Variants in PIH1D2 observed in about 807,000 individuals in gnomAD.
The protein encoded by PIH1D2 is PIH1 domain containing 2.
Under a neutral mutation model 31.2 loss-of-function variants are expected in PIH1D2, and 25 were observed. The ratio of observed to expected loss-of-function variants is 0.80; its 90% CI spans 0.58 to 1.12. The LOEUF (loss-of-function observed/expected upper bound fraction) is 1.12. PIH1D2 is among the 50% of genes most tolerant of loss of function. The pLI, the probability that PIH1D2 is intolerant of heterozygous loss-of-function variation, is 0.00. For synonymous variants in PIH1D2, 116 were observed against 119.9 expected (o/e 0.97, Z 0.21); for missense variants, 310 against 356.6 (o/e 0.87, Z 1.05).
chr11:112,064,106 C>A, downstream of PIH1D2: 1 of 1,331,154 alleles, frequency 7.5e-7, no homozygotes, highest in East Asian at 2.6e-5. Context: ...GAAGATTATC[C>A]AAAAGAAACA....
downstream of PIH1D2, among the ~76,000 whole-genome samples, chr11:112,065,041 C>T (rs375195604): frequency 1.8e-4 from 28 of 151,948 alleles, no homozygotes; most frequent in African/African-American, 6.0e-4. Context: ...AGGGTTTCAC[C>T]GTGTTAGCCA....
At chr11:112,070,273 G>A (rs1340363966) in intron 5 of PIH1D2, 163 bp downstream of exon 5, 7 of 761,054 alleles carry the variant, frequency 9.2e-6, no homozygotes, top group African/African-American at 5.3e-5. Flanking sequence ...TTTTCCCTTT[G>A]CTGAGATGTG....
intron 5 of PIH1D2, among the ~76,000 whole-genome samples, chr11:112,068,982 GTTTTTTTTTTTTTTTGT>G (rs1729407261): frequency 1.1e-5 from 1 of 88,428 alleles, no homozygotes; most frequent in African/African-American, 6.1e-5. Flanking sequence ...AATTTTTTTT[GTTTTTTTTTTTTTTTGT>G]TTTTTTTTTT....
In PIH1D2 at chr11:112,068,019, A is replaced by T; in HGVS notation, c.814-14T>A. On this transcript the variant is annotated splice_polypyrimidine_tract_variant and intron_variant, in intron 5 of 5. Coordinates refer to ENST00000280350, the MANE Select transcript of PIH1D2 (RefSeq NM_138789.4). Reference sequence around the variant, plus strand: ...CAATAAATCATCCTAAGAATAATAAACCAAGAGATTTATTTCCTGCTTAAA... The same window carrying T: ...CAATAAATCATCCTAAGAATAATAATCCAAGAGATTTATTTCCTGCTTAAA... The T allele has an allele frequency of 6.6e-7, 1 of 1,509,800 alleles. No homozygotes were observed. The highest frequency in any genetic ancestry group is 9.1e-7 in the Non-Finnish European group (1 of 1,099,764). The allele number at this position is 1,509,800 out of a possible 1,614,324, so 93.5% of individuals were successfully genotyped here. A position where few individuals can be genotyped will look rare whatever the true frequency, so the allele number is the denominator to read the frequency against.
chr11:112,072,886 AAAC>A (rs781838049), intron 2 of PIH1D2, 109 bp downstream of exon 2: 55 of 1,091,378 alleles, frequency 5.0e-5, no homozygotes, highest in African/African-American at 2.6e-4. Context: ...AAACAAAACA[AAAC>A]AAAAAAAAAA....
chr11:112,072,786 C>A (rs1865171505), intron 2 of PIH1D2: 1 of 435,568 alleles, frequency 2.3e-6, no homozygotes, highest in Non-Finnish European at 4.0e-6. Flanking sequence ...ATCGCTTAAA[C>A]CCGGGAGGCA....
At chr11:112,068,729 A>G (rs1167156792) in intron 5 of PIH1D2, among the ~76,000 whole-genome samples, 1 of 152,132 alleles carries the variant, frequency 6.6e-6, no homozygotes, top group Non-Finnish European at 1.5e-5. Flanking sequence ...GGTTGCAGTA[A>G]GCTGAGATGG....
chr11:112,062,474 G>C, downstream of PIH1D2: 1 of 1,612,756 alleles, frequency 6.2e-7, no homozygotes, highest in Non-Finnish European at 8.5e-7. Flanking sequence ...GGAGCAGTTG[G>C]AGCCCAGTGG....
intron 2 of PIH1D2, among the ~76,000 whole-genome samples, chr11:112,072,510 C>T (rs1198217013): frequency 2.4e-5 from 3 of 125,080 alleles, no homozygotes; most frequent in African/African-American, 9.1e-5. Flanking sequence ...TGTGCCACTG[C>T]ACTCCAGCTT....
At chr11:112,072,953 C>A in intron 2 of PIH1D2, 45 bp downstream of exon 2, 1 of 1,506,982 alleles carries the variant, frequency 6.6e-7, no homozygotes, top group South Asian at 1.3e-5. Flanking sequence ...ATTCTGGGAT[C>A]ATTTCATTCA....
At chr11:112,073,287 A>C in intron 1 of PIH1D2, 82 bp from the exon 2 acceptor site, 1 of 1,013,522 alleles carries the variant, frequency 9.9e-7, no homozygotes. Context: ...GGAATGGGTC[A>C]GGAATTGTTT....
At chr11:112,065,866 A>G (rs1236118939), downstream of PIH1D2, among the ~76,000 whole-genome samples, 1 of 152,132 alleles carries the variant, frequency 6.6e-6, no homozygotes, top group East Asian at 1.9e-4. Context: ...CTGTAATCCC[A>G]GCTACTGGGG....
At position 112,070,456 on chromosome 11, in the gene PIH1D2, A is replaced by G. The variant is rs1555184379; in HGVS notation, c.793T>C (p.Cys265Arg). 6.2e-7 allele frequency: 1 copy of G among 1,613,996 alleles called. No individual in the cohort carries two copies. Among genetic ancestry groups the G allele is most frequent in the Admixed American group, 1.7e-5 (1 of 60,020 alleles). The change falls in exon 5 of 6, where the codon TGT (cysteine) becomes CGT (arginine). Residue 265 changes from cysteine to arginine, a missense_variant. By Grantham distance (180) the Cys-to-Arg change is radical. Coordinates refer to ENST00000280350, the MANE Select transcript of PIH1D2 (RefSeq NM_138789.4). ...CTTACCTCAGAAACACTAAGGTCACAGAGAGAGACAGAATTAATACCAGGT... is the reference window on the plus strand; with the variant it reads ...CTTACCTCAGAAACACTAAGGTCACGGAGAGAGACAGAATTAATACCAGGT... ...ELPGINSVSL[C>R]DLSVSEDDLL...
downstream of PIH1D2, chr11:112,062,710 C>A: frequency 1.4e-6 from 1 of 702,106 alleles, no homozygotes; most frequent in Non-Finnish European, 2.3e-6. Context: ...GCCGATTACA[C>A]CCAAATATTG....
chr11:112,068,985 T>TG (rs1865022850), intron 5 of PIH1D2, among the ~76,000 whole-genome samples: 2 of 139,274 alleles, frequency 1.4e-5, no homozygotes, highest in African/African-American at 6.2e-5. Flanking sequence ...TTTTTTTGTT[T>TG]TTTTTTTTTT....
At chr11:112,060,095 T>C (rs782266223), downstream of PIH1D2, 3 of 1,602,626 alleles carry the variant, frequency 1.9e-6, no homozygotes, top group African/African-American at 2.7e-5. Flanking sequence ...TTTCTAATTA[T>C]GTTATTTTTA....
the PIH1D2 span, among the ~76,000 whole-genome samples, chr11:112,052,938 ATCAC>A: frequency 6.6e-6 from 1 of 152,094 alleles, no homozygotes. Flanking sequence ...ACATACTCCT[ATCAC>A]TCAGGAAATT....
At chr11:112,053,239 T>C in the PIH1D2 span, among the ~76,000 whole-genome samples, 1 of 151,968 alleles carries the variant, frequency 6.6e-6, no homozygotes, top group African/African-American at 2.4e-5. Context: ...GGAGAATTGC[T>C]TGAACCCAGG....
At chr11:112,063,267 A>C (rs781857856), downstream of PIH1D2, 1 of 152,188 alleles carries the variant, frequency 6.6e-6, no homozygotes, top group Non-Finnish European at 1.5e-5. Context: ...TGAGTACAGA[A>C]TTCAACAGTT....
Sources: gnomAD v4.1 joint callset for allele counts (sites outside exome capture counted in the v4.1 genomes callset) on GRCh38, gnomAD v4.1.1 for gene constraint, MANE v1.5 for transcripts, NCBI Gene and HGNC (gene_info 2026-07-23, HGNC 2026-07-21) for gene names.